The following ANKRD18A variants were observed in gnomAD, a reference collection of about 807,000 sequenced individuals.
The protein encoded by ANKRD18A is ankyrin repeat domain 18A, also known as ankyrin repeat domain-containing protein 18A.
Under a neutral mutation model 110.6 loss-of-function variants are expected in ANKRD18A, and 72 were observed. The observed-to-expected ratio is 0.65, with a 90% confidence interval of 0.54 to 0.79. The LOEUF (loss-of-function observed/expected upper bound fraction) is 0.79, where lower values mean the gene tolerates loss of function less well. Among genes scored for constraint, ANKRD18A ranks in the 30% least tolerant of loss-of-function variants. ANKRD18A has a pLI of 0.00. For missense variants in ANKRD18A, 934 were observed against 1,163.3 expected (o/e 0.80, Z 2.87); for synonymous variants, 305 against 410.3 (o/e 0.74, Z 3.10).
At chr9:38,590,712 C>T (rs966720428) in intron 10 of ANKRD18A, among the ~76,000 whole-genome samples, 1 of 152,192 alleles carries the variant, frequency 6.6e-6, no homozygotes, top group Non-Finnish European at 1.5e-5. Context: ...CATTGGGAAG[C>T]TTCAGTAAGT....
chr9:38,597,449 A>C (rs150963914), intron 8 of ANKRD18A, among the ~76,000 whole-genome samples: 2,888 of 152,180 alleles, frequency 0.019, 46 homozygotes, highest in African/African-American at 0.032. Context: ...ATCACCACAG[A>C]AGTTTGTAGC....
chr9:38,615,524 T>G, intron 3 of ANKRD18A, 70 bp downstream of exon 3: 1 of 1,458,224 alleles, frequency 6.9e-7, no homozygotes, highest in Non-Finnish European at 9.0e-7. Flanking sequence ...GTTCCAAATA[T>G]GAAAAATTGA....
At chr9:38,584,047 C>G (rs1213187314) in intron 12 of ANKRD18A, among the ~76,000 whole-genome samples, 1 of 152,212 alleles carries the variant, frequency 6.6e-6, no homozygotes, top group Non-Finnish European at 1.5e-5. Flanking sequence ...GAGGAGGAGC[C>G]TGGCCTCTTC....
intron 3 of ANKRD18A, among the ~76,000 whole-genome samples, chr9:38,612,912 G>A (rs1825697696): frequency 6.6e-6 from 1 of 151,450 alleles, no homozygotes; most frequent in Admixed American, 6.6e-5. Flanking sequence ...AACCTAAAAG[G>A]GCTTCTAGGC....
chr9:38,618,217 T>C (rs1825937187), intron 1 of ANKRD18A, among the ~76,000 whole-genome samples: 1 of 152,200 alleles, frequency 6.6e-6, no homozygotes, highest in Non-Finnish European at 1.5e-5. Flanking sequence ...AGAAATTTTA[T>C]AAATGCTCAC....
intron 8 of ANKRD18A, among the ~76,000 whole-genome samples, chr9:38,600,523 C>T (rs535803450): frequency 6.6e-6 from 1 of 152,290 alleles, no homozygotes; most frequent in Non-Finnish European, 1.5e-5. Context: ...ATTTTAATAG[C>T]ATTTTCTACT....
At position 38,611,221 on chromosome 9, in the gene ANKRD18A, A is replaced by C; in HGVS notation, c.596T>G (p.Phe199Cys). 6 of 1,529,028 alleles carry C rather than the reference A, an allele frequency of 3.9e-6. No individual in the cohort carries two copies. In the South Asian group the frequency reaches 7.6e-5, roughly 19 times the overall value. 94.7% of individuals were successfully genotyped at this position (1,529,028 alleles called of 1,614,324 possible). A position where few individuals can be genotyped will look rare whatever the true frequency, so the allele number is the denominator to read the frequency against. ...NQANIHAVDN[F>C]KRTALILAVQ... is the part of the protein sequence containing the mutation. The stretch of plus-strand genomic sequence containing the variant: ...AAAACAAAAACTATTGCACCTTTTG[A>C]AATTGTCAACGGCATGTATATTTGC... The change falls in exon 4 of 16, where the codon TTC becomes TGC. Residue 199 changes from phenylalanine to cysteine, a missense_variant. Coordinates refer to ENST00000399703, the MANE Select transcript of ANKRD18A (RefSeq NM_147195.4).
intron 10 of ANKRD18A, among the ~76,000 whole-genome samples, chr9:38,592,207 A>G (rs1824680539): frequency 6.6e-6 from 1 of 152,254 alleles, no homozygotes; most frequent in South Asian, 2.1e-4. Flanking sequence ...TAATGTCTCA[A>G]AGAAGTAATT....
rs977115335 is a variant in ANKRD18A at position 38,596,365 on chromosome 9, A to G, written c.975T>C (p.Tyr325=). Residue 325 remains tyrosine (Y), a synonymous_variant, in exon 9 of 16, where the codon TAT becomes TAC. Coordinates refer to ENST00000399703, the MANE Select transcript of ANKRD18A (RefSeq NM_147195.4). The stretch of plus-strand genomic sequence containing the variant: ...TGTCTTTCTTCAACATAAAATTTCC[A>G]TACATCGCATCCTTCTTTTTTCCGT... ...QSYGKKKDAM[Y]GNFMLKKDIA... The G allele has an allele frequency of 6.8e-7, 1 of 1,475,252 alleles. No homozygotes were observed. The allele number at this position is 1,475,252 out of a possible 1,614,324, so 91.4% of individuals were successfully genotyped here.
Position 38,620,546 on chromosome 9 carries a change from A to G in ANKRD18A, c.-261T>C. ...CTCTCAGACCGAGTGAGCCCAGCTA[A>G]GCCGTTAGGCGCGCGCCTGAACCTC... On this transcript the variant is annotated 5_prime_UTR_variant, in exon 1 of 16. Transcript: ENST00000399703. 1 of 1,292,458 alleles carries G rather than the reference A, an allele frequency of 7.7e-7. No individual in the cohort carries two copies. Among genetic ancestry groups the G allele is most frequent in the East Asian group, 3.2e-5 (1 of 31,130 alleles). 80.1% of individuals were successfully genotyped at this position (1,292,458 alleles called of 1,614,324 possible).
At chr9:38,568,809 T>A, downstream of ANKRD18A, 2 of 985,312 alleles carry the variant, frequency 2.0e-6, no homozygotes, top group Non-Finnish European at 2.4e-6. Flanking sequence ...GGGACCATAG[T>A]GCCCCTCCCC....
intron 1 of ANKRD18A, among the ~76,000 whole-genome samples, chr9:38,619,866 G>T (rs1271259991): frequency 6.6e-6 from 1 of 152,176 alleles, no homozygotes; most frequent in Non-Finnish European, 1.5e-5. Flanking sequence ...TTTAAACGTG[G>T]ATATGCCTAA....
intron 15 of ANKRD18A, chr9:38,573,187 T>C (rs1464101893): frequency 7.4e-6 from 7 of 947,804 alleles, no homozygotes; most frequent in Non-Finnish European, 9.9e-6. Context: ...AATATTATCA[T>C]GAGATTAATA....
At chr9:38,581,543 G>A (rs569898544) in intron 12 of ANKRD18A, among the ~76,000 whole-genome samples, 2 of 152,062 alleles carry the variant, frequency 1.3e-5, no homozygotes, top group South Asian at 2.1e-4. Flanking sequence ...TCTAGTATTC[G>A]ATTTTCATTT....
At chr9:38,579,760 C>T (rs1252361538) in intron 12 of ANKRD18A, among the ~76,000 whole-genome samples, 1 of 152,126 alleles carries the variant, frequency 6.6e-6, no homozygotes, top group Non-Finnish European at 1.5e-5. Context: ...CTATAGAAAA[C>T]AACATGAGGC....
intron 12 of ANKRD18A, among the ~76,000 whole-genome samples, chr9:38,581,838 T>C (rs1824178650): frequency 1.3e-5 from 2 of 151,970 alleles, no homozygotes; most frequent in South Asian, 4.1e-4. Flanking sequence ...GATTTTTAAG[T>C]GCTGCACTCC....
At position 38,572,063 on chromosome 9, in the gene ANKRD18A, G is replaced by A; in HGVS notation, c.2965-4C>T. On this transcript the variant is annotated splice_polypyrimidine_tract_variant and splice_region_variant and intron_variant, in intron 15 of 15. Coordinates refer to ENST00000399703, the MANE Select transcript of ANKRD18A (RefSeq NM_147195.4). ...CAAGTGCTCAACATAGCAAAACCTG[G>A]AAAGAAAAAGAAAGGATTATGTTCT... 1.3e-6 allele frequency: 2 copies of A among 1,566,822 alleles called. No homozygotes were observed. The highest frequency in any genetic ancestry group is 1.7e-6 in the Non-Finnish European group (2 of 1,159,064).
At chr9:38,615,885 T>A in intron 2 of ANKRD18A, 45 bp downstream of exon 2, 1 of 1,529,546 alleles carries the variant, frequency 6.5e-7, no homozygotes. Context: ...TTCTATGTAT[T>A]TAAATCAAAT....
In ANKRD18A at chr9:38,575,840, C is replaced by G. The variant is rs905611474; in HGVS notation, c.2742-142G>C. The stretch of plus-strand genomic sequence containing the variant: ...GCTTTCACACAAAGATGTGTGAGGG[C>G]ATACCTCTTGTAAGTAACGGTAATT... On this transcript the variant is annotated intron_variant, in intron 14 of 15. Transcript: ENST00000399703. 7 of 745,024 alleles carry G rather than the reference C, an allele frequency of 9.4e-6. No homozygotes were observed. In the African/African-American group the frequency reaches 1.3e-4, roughly 13 times the overall value. The allele number at this position is 745,024 out of a possible 1,614,324, so 46.2% of individuals were successfully genotyped here.
Sources: allele counts gnomAD v4.1 joint callset (sites outside exome capture counted in the v4.1 genomes callset), GRCh38; gene constraint gnomAD v4.1.1; transcripts MANE v1.5; gene names NCBI Gene and HGNC (gene_info 2026-07-23, HGNC 2026-07-21).